Variants in ZNHIT6 observed in about 807,000 individuals in gnomAD.
The protein encoded by ZNHIT6 is box C/D snoRNA protein 1.
Under a neutral mutation model 57.2 loss-of-function variants are expected in ZNHIT6, and 45 were observed. The observed-to-expected ratio is 0.79, with a 90% CI of 0.62 to 1.01. The LOEUF is 1.01. Among genes scored for constraint, ZNHIT6 ranks in the 50% least tolerant of loss-of-function variants. The pLI, the probability that ZNHIT6 is intolerant of heterozygous loss-of-function variation, is 0.00. For synonymous variants in ZNHIT6, 188 were observed against 190.0 expected, an observed-to-expected ratio of 0.99 and a Z score of 0.09; for missense variants, 528 against 567.3, an observed-to-expected ratio of 0.93 and a Z score of 0.70.
rs571072307 is a variant in ZNHIT6, at chr1:85,696,671, A to ATTG, written c.1019+5485_1019+5486insCAA. 1.1e-3 allele frequency among the ~76,000 whole-genome samples: 166 copies of ATTG among 152,260 alleles called. 1 individual carries two copies. The highest frequency in any genetic ancestry group is 3.8e-3 in the African/African-American group (160 of 41,580). On this transcript the variant is annotated intron_variant, in intron 5 of 9. Coordinates refer to ENST00000370574, the MANE Select transcript of ZNHIT6 (RefSeq NM_017953.4). ...TAATATACATTTTATACAATAAAAT[A>ATTG]TATAACATTCTGAGAAACATTACCA... is the stretch of plus-strand genomic sequence containing the variant.
At chr1:85,684,501 G>A (rs1661969644) in intron 5 of ZNHIT6, among the ~76,000 whole-genome samples, 2 of 152,136 alleles carry the variant, frequency 1.3e-5, no homozygotes, top group African/African-American at 4.8e-5. Flanking sequence ...GATATACAGT[G>A]TATCTATGGT....
In ZNHIT6 at chr1:85,651,339, G is replaced by A. The variant is rs1364349269; in HGVS notation, c.*2719C>T. ...TGCAAACTCTGCCACCAGGGTTCAAGTGATTCTCGTGCCCCAGCTTCCTGA... is the reference window on the plus strand; with the variant it reads ...TGCAAACTCTGCCACCAGGGTTCAAATGATTCTCGTGCCCCAGCTTCCTGA... On this transcript the variant is annotated 3_prime_UTR_variant, in exon 10 of 10. Coordinates refer to ENST00000370574, the MANE Select transcript of ZNHIT6 (RefSeq NM_017953.4). 1 of 152,086 alleles carries A rather than the reference G, an allele frequency of 6.6e-6. No individual in the cohort carries two copies. The highest frequency in any genetic ancestry group is 1.5e-5 in the Non-Finnish European group (1 of 68,040). 9.4% of individuals were successfully genotyped at this position (152,086 alleles called of 1,614,324 possible).
At chr1:85,699,808 T>C (rs572861478) in intron 5 of ZNHIT6, among the ~76,000 whole-genome samples, 50 of 152,016 alleles carry the variant, frequency 3.3e-4, no homozygotes, top group Non-Finnish European at 4.9e-4. Context: ...AAACAAGACA[T>C]AAAATAAATG....
In ZNHIT6 at chr1:85,654,035, C is replaced by T; in HGVS notation, c.*23G>A. 4 of 1,609,318 alleles carry T rather than the reference C, an allele frequency of 2.5e-6. No individual in the cohort carries two copies. The highest frequency in any genetic ancestry group is 3.4e-6 in the Non-Finnish European group (4 of 1,177,136). On this transcript the variant is annotated 3_prime_UTR_variant, in exon 10 of 10. Coordinates refer to ENST00000370574, the MANE Select transcript of ZNHIT6 (RefSeq NM_017953.4). ...TGCTGCAGTTGTCTGGAAGTTTTCA[C>T]TTTCTTCTTCCAGAAAAAATGCTCA... is the stretch of plus-strand genomic sequence containing the variant.
chr1:85,674,689 TC>T (rs1244007311), intron 8 of ZNHIT6, among the ~76,000 whole-genome samples: 15 of 152,316 alleles, frequency 9.8e-5, no homozygotes, highest in Middle Eastern at 3.4e-3. Context: ...TAAATTCAGT[TC>T]CTTTCTTGCC....
intron 5 of ZNHIT6, among the ~76,000 whole-genome samples, chr1:85,693,802 A>G (rs1195200245): frequency 1.3e-5 from 2 of 152,190 alleles, no homozygotes; most frequent in African/African-American, 4.8e-5. Context: ...TCAACTTAAG[A>G]TATTTCATAT....
At chr1:85,676,110 G>A (rs1452185378) in intron 8 of ZNHIT6, among the ~76,000 whole-genome samples, 3 of 152,032 alleles carry the variant, frequency 2.0e-5, no homozygotes, top group Non-Finnish European at 4.4e-5. Context: ...GCTGAGGCAG[G>A]CAGATCACCT....
intron 4 of ZNHIT6, among the ~76,000 whole-genome samples, chr1:85,703,648 A>G (rs892472629): frequency 6.6e-6 from 1 of 152,212 alleles, no homozygotes. Flanking sequence ...AGTTAAAGAC[A>G]TAAGTGTAAA....
chr1:85,708,291 A>G lies in ZNHIT6; in HGVS notation c.-7T>C. On this transcript the variant is annotated 5_prime_UTR_variant, in exon 1 of 10. Transcript: ENST00000370574. ...TTTCAGCAGCAAACTCCATCAACTCACGATCCTTGGCCTCTGCTGCCACTC... is the reference window on the plus strand; with the variant it reads ...TTTCAGCAGCAAACTCCATCAACTCGCGATCCTTGGCCTCTGCTGCCACTC... The G allele has an allele frequency of 6.3e-7, 1 of 1,589,082 alleles. No homozygotes were observed. Among genetic ancestry groups the G allele is most frequent in the Admixed American group, 1.7e-5 (1 of 59,304 alleles).
chr1:85,708,164 C>G lies in ZNHIT6; in HGVS notation c.121G>C (p.Glu41Gln), dbSNP rs199547485. 181 of 1,614,092 alleles carry G rather than the reference C, an allele frequency of 1.1e-4. No homozygotes were observed. Among genetic ancestry groups the G allele is most frequent in the Non-Finnish European group, 1.4e-4 (169 of 1,180,048 alleles). ...EGVRDLAGAE[E>Q]FGGGEEGTGL... ...GTCCCCTCCTCTCCGCCGCCGAACT[C>G]CTCCGCCCCTGCTAAGTCCCTTACT... Residue 41 changes from glutamate (E) to glutamine (Q), a missense_variant, in exon 1 of 10, where the codon GAG (glutamate) becomes CAG (glutamine). By Grantham distance (29) the Glu-to-Gln change is conservative (BLOSUM62 2). Coordinates refer to ENST00000370574, the MANE Select transcript of ZNHIT6 (RefSeq NM_017953.4).
chr1:85,680,023 TAGTG>T (rs1661826045), intron 6 of ZNHIT6, among the ~76,000 whole-genome samples: 1 of 152,196 alleles, frequency 6.6e-6, no homozygotes, highest in African/African-American at 2.4e-5. Flanking sequence ...CTGGGCAACA[TAGTG>T]AGGCCTTGCC....
chr1:85,698,734 A>G (rs1662449559), intron 5 of ZNHIT6, among the ~76,000 whole-genome samples: 1 of 152,262 alleles, frequency 6.6e-6, no homozygotes, highest in Non-Finnish European at 1.5e-5. Context: ...CTCCTTCAGC[A>G]GCAAAACCTA....
Position 85,705,971 on chromosome 1 carries a change from C to T in ZNHIT6, c.915+107G>A. 4 of 908,780 alleles carry T rather than the reference C, an allele frequency of 4.4e-6. No homozygotes were observed. The South Asian group carries it at 7.1e-5, about 16-fold the overall frequency. 56.3% of individuals were successfully genotyped at this position (908,780 alleles called of 1,614,324 possible). A position where few individuals can be genotyped will look rare whatever the true frequency, so the allele number is the denominator to read the frequency against. ...CCATATCCTTAAGTAATCAGAATAG[C>T]TCTACATCATGGTAGCCACTTAATA... On this transcript the variant is annotated intron_variant, in intron 4 of 9. Coordinates refer to ENST00000370574, the MANE Select transcript of ZNHIT6 (RefSeq NM_017953.4).
chr1:85,664,746 T>A (rs954869239), intron 8 of ZNHIT6, among the ~76,000 whole-genome samples: 3 of 151,692 alleles, frequency 2.0e-5, no homozygotes, highest in African/African-American at 7.3e-5. Context: ...ATATTACAAA[T>A]CTGTACACGT....
At chr1:85,663,136 T>C (rs915929536) in intron 8 of ZNHIT6, among the ~76,000 whole-genome samples, 6 of 152,174 alleles carry the variant, frequency 3.9e-5, no homozygotes, top group Non-Finnish European at 8.8e-5. Context: ...ATGGGTTAGT[T>C]TGTAAGGACT....
intron 5 of ZNHIT6, among the ~76,000 whole-genome samples, chr1:85,682,016 C>CTTT (rs11394559): frequency 9.1e-5 from 12 of 132,308 alleles, no homozygotes; most frequent in Middle Eastern, 3.7e-3. Context: ...TTTTGTTCAT[C>CTTT]TTTTTTTTTT....
In ZNHIT6 at chr1:85,687,090, T is replaced by C. The variant is rs566972587; in HGVS notation, c.1020-6186A>G. ...TTCGAGACAAGCCTGGACAACATAGTGAAACCCCACCTCTACTAAAAATAC... is the reference window on the plus strand; with the variant it reads ...TTCGAGACAAGCCTGGACAACATAGCGAAACCCCACCTCTACTAAAAATAC... On this transcript the variant is annotated intron_variant, in intron 5 of 9. Transcript: ENST00000370574. Among the ~76,000 whole-genome samples, 17 of 150,814 alleles carry C rather than the reference T, an allele frequency of 1.1e-4. 1 individual carries two copies. The South Asian group carries it at 3.4e-3, about 30-fold the overall frequency.
At chr1:85,680,708 G>A in intron 6 of ZNHIT6, 128 bp downstream of exon 6, 1 of 585,300 alleles carries the variant, frequency 1.7e-6, no homozygotes, top group Non-Finnish European at 2.9e-6. Flanking sequence ...GTGATGTTTA[G>A]CATTTCATTG....
chr1:85,654,538 A>G (rs142136694), intron 9 of ZNHIT6, among the ~76,000 whole-genome samples: 38 of 152,276 alleles, frequency 2.5e-4, no homozygotes, highest in African/African-American at 8.7e-4. Flanking sequence ...CTTTCACAGG[A>G]AAGAAGAATA....
Sources: allele counts gnomAD v4.1 joint callset (sites outside exome capture counted in the v4.1 genomes callset), GRCh38; gene constraint gnomAD v4.1.1; transcripts MANE v1.5; gene names NCBI Gene and HGNC (gene_info 2026-07-23, HGNC 2026-07-21).